TBXAS1: variants seen among roughly 807,000 people sequenced by gnomAD.
The protein encoded by TBXAS1 is thromboxane A synthase 1, also known as thromboxane-A synthase.
In TBXAS1, 48 loss-of-function variants were observed where a neutral mutation model predicts 60.7. The ratio of observed to expected loss-of-function variants is 0.79; its 90% CI spans 0.63 to 1.01. The LOEUF (loss-of-function observed/expected upper bound fraction) is 1.01, where lower values mean the gene tolerates loss of function less well. TBXAS1 is among the 50% of genes least tolerant of loss of function. The probability of loss-of-function intolerance (pLI) is 0.00; values close to 1 mark genes in which losing one functional copy is unlikely to be tolerated. For synonymous variants in TBXAS1, 287 were observed against 269.7 expected (o/e 1.06, Z -0.63); for missense variants, 685 against 686.3 (o/e 1.00, Z 0.02).
chr7:139,998,358 C>T (rs141894568), intron 9 of TBXAS1, among the ~76,000 whole-genome samples: 9 of 151,944 alleles, frequency 5.9e-5, no homozygotes, highest in Admixed American at 4.6e-4. Context: ...TTTCCATATG[C>T]GTGTTATTCT....
intron 1 of TBXAS1, among the ~76,000 whole-genome samples, chr7:139,849,440 A>G (rs1800056549): frequency 1.3e-5 from 2 of 152,088 alleles, no homozygotes; most frequent in African/African-American, 4.8e-5. Context: ...AACAACAGAT[A>G]GTGATGCAGA....
At chr7:139,908,193 G>T (rs558449181) in intron 3 of TBXAS1, among the ~76,000 whole-genome samples, 57 of 151,756 alleles carry the variant, frequency 3.8e-4, no homozygotes, top group African/African-American at 1.3e-3. Context: ...TCCTGTGCTT[G>T]ATAAGGTTCT....
At chr7:139,809,237 A>AGATAGATAGAT (rs1797960390) in intron 4 of TBXAS1, among the ~76,000 whole-genome samples, 48 of 38,902 alleles carry the variant, frequency 1.2e-3, no homozygotes, top group Admixed American at 7.2e-3. Flanking sequence ...GATAGATGAT[A>AGATAGATAGAT]GATAGATAGA....
At chr7:139,828,561 A>G (rs1165892103), upstream of TBXAS1, among the ~76,000 whole-genome samples, 1 of 152,164 alleles carries the variant, frequency 6.6e-6, no homozygotes. Context: ...AAAATTCACC[A>G]TGGAAGCCTC....
chr7:139,855,542 A>G (rs1029751467), intron 1 of TBXAS1, among the ~76,000 whole-genome samples: 9 of 152,184 alleles, frequency 5.9e-5, no homozygotes, highest in Admixed American at 6.5e-5. Flanking sequence ...GGCCTCATGA[A>G]AGACAATTTG....
chr7:140,020,109 C>T lies in TBXAS1; in HGVS notation c.*10C>T. On this transcript the variant is annotated 3_prime_UTR_variant, in exon 13 of 13. Coordinates refer to ENST00000448866, the MANE Select transcript of TBXAS1 (RefSeq NM_001061.7). The stretch of plus-strand genomic sequence containing the variant: ...GATCGTATCCCGCTGACACAGAAGG[C>T]TGCCGGGTGGGGGGAGGGCACCCCC... 6.2e-7 allele frequency: 1 copy of T among 1,612,512 alleles called. No individual in the cohort carries two copies. The highest frequency in any genetic ancestry group is 1.6e-4 in the Middle Eastern group (1 of 6,062).
At chr7:139,993,107 G>T (rs1329884114) in intron 9 of TBXAS1, among the ~76,000 whole-genome samples, 1 of 152,208 alleles carries the variant, frequency 6.6e-6, no homozygotes, top group Non-Finnish European at 1.5e-5. Flanking sequence ...TGAGGCAAGA[G>T]AATTGCTTGA....
intron 9 of TBXAS1, among the ~76,000 whole-genome samples, chr7:139,963,882 G>A (rs554236531): frequency 1.4e-4 from 21 of 152,146 alleles, no homozygotes; most frequent in African/African-American, 4.1e-4. Flanking sequence ...TTTCTCTCTC[G>A]CCAGTTCTTG....
rs148258306 is a variant in TBXAS1 at position 139,955,598 on chromosome 7, G to A, written c.679G>A (p.Val227Ile). The stretch of plus-strand genomic sequence containing the variant: ...ATTCTGCATCCCCAGACCTATCCTG[G>A]TTTTACTCTGTAAGTGCGGCTGCAG... ...FEFCIPRPILVLLLSFPSIMV... is the reference protein window; with the variant it reads ...FEFCIPRPILILLLSFPSIMV... The change falls in exon 7 of 13, where the codon GTT (valine) becomes ATT (isoleucine). Residue 227 changes from valine (V) to isoleucine (I), a missense_variant. Transcript: ENST00000448866. 15 of 1,614,164 alleles carry A rather than the reference G, an allele frequency of 9.3e-6. No individual in the cohort carries two copies. The highest frequency in any genetic ancestry group is 8.0e-5 in the African/African-American group (6 of 75,054).
rs146142246 is a variant in TBXAS1 at position 139,865,444 on chromosome 7, G to A, written c.90-6791G>A. Among the ~76,000 whole-genome samples the A allele has an allele frequency of 1.5e-3, 224 of 152,220 alleles. 1 individual carries two copies. The highest frequency in any genetic ancestry group is 6.8e-3 in the Middle Eastern group (2 of 294). On this transcript the variant is annotated intron_variant, in intron 1 of 12. Coordinates refer to ENST00000448866, the MANE Select transcript of TBXAS1 (RefSeq NM_001061.7). ...CTGCTTATCTTCCTCTTCACACCCA[G>A]ATATGTGCGTGGAGTCAGCTTGCAG...
chr7:139,778,579 C>T lies in TBXAS1; in HGVS notation c.-318+108C>T, dbSNP rs1409249350. ...CCACACGAGGTCAGAGGCACCGAAG[C>T]CCTGCCGTGCACGCCGCGGAAATGC... On this transcript the variant is annotated intron_variant, in intron 1 of 16. Transcript: ENST00000336425. The surrounding 1 kb of genome is among the most constrained non-coding windows in gnomAD (Gnocchi z 4.8). 1 of 152,288 alleles carries T rather than the reference C, an allele frequency of 6.6e-6. No individual in the cohort carries two copies. The highest frequency in any genetic ancestry group is 6.5e-5 in the Admixed American group (1 of 15,278). 9.4% of individuals were successfully genotyped at this position (152,288 alleles called of 1,614,324 possible).
At chr7:139,984,946 A>AAAAGAAAGAAAGAAAGAAAGAAAG (rs111228602) in intron 9 of TBXAS1, among the ~76,000 whole-genome samples, 4 of 141,774 alleles carry the variant, frequency 2.8e-5, no homozygotes, top group African/African-American at 1.1e-4. Flanking sequence ...GAAAGAAAAG[A>AAAAGAAAGAAAGAAAGAAAGAAAG]AAAGAAAGAA....
rs999824045 is a variant in TBXAS1, at chr7:139,916,542, C to T, written c.333+5221C>T. 3.3e-5 allele frequency among the ~76,000 whole-genome samples: 5 copies of T among 152,216 alleles called. No individual in the cohort carries two copies. The highest frequency in any genetic ancestry group is 9.6e-5 in the African/African-American group (4 of 41,458). ...GGTTTTATCCCGAACCATCAATACC[C>T]GGCACCCTGGCTGCCCCAGGTTCAG... On this transcript the variant is annotated intron_variant, in intron 4 of 12. Coordinates refer to ENST00000448866, the MANE Select transcript of TBXAS1 (RefSeq NM_001061.7). The surrounding 1 kb of genome is among the most constrained non-coding windows in gnomAD (Gnocchi z 4.2).
intron 1 of TBXAS1, among the ~76,000 whole-genome samples, chr7:139,836,060 A>G (rs1344600794): frequency 6.7e-6 from 1 of 149,742 alleles, no homozygotes; most frequent in African/African-American, 2.4e-5. Context: ...ATAAATAAAT[A>G]AATAAATAAA....
At chr7:139,991,847 C>T (rs994340298) in intron 9 of TBXAS1, among the ~76,000 whole-genome samples, 3 of 152,210 alleles carry the variant, frequency 2.0e-5, no homozygotes, top group East Asian at 1.9e-4. Flanking sequence ...CCGGAGAGCA[C>T]GGGCAGCTCT....
chr7:140,019,174 G>A (rs919372127), intron 12 of TBXAS1, among the ~76,000 whole-genome samples: 1 of 152,216 alleles, frequency 6.6e-6, no homozygotes, highest in African/African-American at 2.4e-5. Context: ...TGGTCCTGGA[G>A]GAATAATGAG....
At chr7:139,979,763 TAATA>T (rs1238660424) in intron 9 of TBXAS1, among the ~76,000 whole-genome samples, 73 of 128,910 alleles carry the variant, frequency 5.7e-4, no homozygotes, top group African/African-American at 1.7e-3. Flanking sequence ...ATAATAATAA[TAATA>T]AATAAATAGC....
chr7:139,943,433 G>A (rs535472531), intron 5 of TBXAS1, among the ~76,000 whole-genome samples: 24 of 152,160 alleles, frequency 1.6e-4, no homozygotes, highest in African/African-American at 2.4e-4. Context: ...TTTTGCATTT[G>A]CATTTAAAAG....
intron 9 of TBXAS1, among the ~76,000 whole-genome samples, chr7:139,978,035 G>A (rs1247224947): frequency 6.6e-6 from 1 of 152,102 alleles, no homozygotes; most frequent in Non-Finnish European, 1.5e-5. Flanking sequence ...GATGTCGGGG[G>A]TATTGTCCAC....
Sources: allele counts gnomAD v4.1 joint callset (sites outside exome capture counted in the v4.1 genomes callset), GRCh38; gene constraint gnomAD v4.1.1; non-coding constraint Gnocchi (gnomAD v3.1); transcripts MANE v1.5; gene names NCBI Gene and HGNC (gene_info 2026-07-23, HGNC 2026-07-21).